RGMA: variants seen among roughly 807,000 people sequenced by gnomAD.
The protein encoded by RGMA is repulsive guidance molecule A.
Under a neutral mutation model 23.2 loss-of-function variants are expected in RGMA, and 10 were observed. That is an observed-to-expected ratio of 0.43 (90% confidence interval 0.27 to 0.73). RGMA has a LOEUF of 0.73. RGMA is among the 30% of genes least tolerant of loss of function. The pLI, the probability that RGMA is intolerant of heterozygous loss-of-function variation, is 0.20. For synonymous variants in RGMA, 308 were observed against 279.3 expected (o/e 1.10, Z -1.03); for missense variants, 547 against 630.5 (o/e 0.87, Z 1.42).
chr15:93,064,573 G>A (rs902869686), intron 2 of RGMA, among the ~76,000 whole-genome samples: 7 of 152,250 alleles, frequency 4.6e-5, no homozygotes, highest in Non-Finnish European at 1.0e-4. Flanking sequence ...CTGCGCACAC[G>A]CGTGTGTGGG....
At chr15:93,060,023 G>A (rs1428739724) in intron 2 of RGMA, among the ~76,000 whole-genome samples, 1 of 152,162 alleles carries the variant, frequency 6.6e-6, no homozygotes, top group African/African-American at 2.4e-5. Context: ...GCCCCACAGG[G>A]TGTGAGCTGA....
chr15:93,044,856 G>C lies in RGMA; in HGVS notation c.*142C>G. The C allele has an allele frequency of 1.5e-6, 1 of 681,828 alleles. No individual in the cohort carries two copies. Among genetic ancestry groups the C allele is most frequent in the Non-Finnish European group, 2.5e-6 (1 of 403,642 alleles). The allele number at this position is 681,828 out of a possible 1,614,324, so 42.2% of individuals were successfully genotyped here. ...ACTAGAAGGGGAGGGGTCCGTGCCT[G>C]AGCCCTTGGCAGCAGGCGGTCCCTG... On this transcript the variant is annotated 3_prime_UTR_variant, in exon 4 of 4. Transcript: ENST00000329082.
chr15:93,065,506 G>A (rs1403669871), intron 2 of RGMA: 2 of 562,602 alleles, frequency 3.6e-6, no homozygotes, highest in South Asian at 1.7e-5. Context: ...CGGGGAACAG[G>A]GTACTGGGTA....
At chr15:93,066,098 T>TA (rs1220106138) in intron 2 of RGMA, 1 of 1,472,464 alleles carries the variant, frequency 6.8e-7, no homozygotes, top group Non-Finnish European at 9.5e-7. Context: ...CGGCGAAACT[T>TA]ACGTAGGTTG....
chr15:93,059,837 G>C (rs1240821962), intron 2 of RGMA, among the ~76,000 whole-genome samples: 1 of 152,192 alleles, frequency 6.6e-6, no homozygotes, highest in East Asian at 1.9e-4. Flanking sequence ...TTTATGTGCT[G>C]TATCTTTATA....
chr15:93,052,280 G>A lies in RGMA; in HGVS notation c.358C>T (p.Pro120Ser). 1 of 1,602,494 alleles carries A rather than the reference G, an allele frequency of 6.2e-7. No homozygotes were observed. Among genetic ancestry groups the A allele is most frequent in the South Asian group, 1.1e-5 (1 of 90,922 alleles). The change falls in exon 3 of 4, where the codon CCC becomes TCC. Residue 120 changes from proline (P) to serine (S), a missense_variant. This residue lies in a region of RGMA where 214 missense variants were observed against 234.7 expected (regional missense o/e 0.91). Coordinates refer to ENST00000329082, the MANE Select transcript of RGMA (RefSeq NM_020211.3). ...MSQHNCSKDG[P>S]TSQPRLRTLP... ...GTGCGCAGGCGTGGCTGCGAGGTGG[G>A]GCCATCCTTGGAGCAGTTGTGCTGG...
intron 3 of RGMA, among the ~76,000 whole-genome samples, chr15:93,049,418 C>T (rs973084639): frequency 2.0e-5 from 3 of 152,218 alleles, no homozygotes; most frequent in Non-Finnish European, 4.4e-5. Context: ...CTGTCCTCTC[C>T]TGAGTCTCAG....
In RGMA at chr15:93,041,517, C is replaced by T. The variant is rs567128350; in HGVS notation, c.*3481G>A. ...ATGGCACTTGGGAAAGAATTCCAGC[C>T]GGTTACATTTAGGGTCCTGGAAAAA... On this transcript the variant is annotated 3_prime_UTR_variant, in exon 4 of 4. Transcript: ENST00000329082. The T allele has an allele frequency of 2.0e-5, 3 of 152,244 alleles. No individual in the cohort carries two copies. The highest frequency in any genetic ancestry group is 2.1e-4 in the South Asian group (1 of 4,826). 9.4% of individuals were successfully genotyped at this position (152,244 alleles called of 1,614,324 possible).
chr15:93,088,781 C>A, intron 1 of RGMA, 138 bp downstream of exon 1: 2 of 882,540 alleles, frequency 2.3e-6, no homozygotes, highest in Non-Finnish European at 3.4e-6. Flanking sequence ...CGCAGCAAAG[C>A]TCCAAATGTG....
At chr15:93,062,287 A>G (rs1394678733) in intron 2 of RGMA, among the ~76,000 whole-genome samples, 1 of 152,248 alleles carries the variant, frequency 6.6e-6, no homozygotes, top group African/African-American at 2.4e-5. Flanking sequence ...CTCTGCGCTC[A>G]GGTATGGTCA....
chr15:93,073,911 G>A (rs1243332739), intron 1 of RGMA: 2 of 1,440,832 alleles, frequency 1.4e-6, no homozygotes, highest in South Asian at 2.9e-5. Context: ...ATGCCGGTCC[G>A]CGTGGCGCGC....
In RGMA at chr15:93,036,912, A is replaced by G. The variant is rs2141773755; in HGVS notation, c.*8086T>C. On this transcript the variant is annotated 3_prime_UTR_variant, in exon 4 of 4. Coordinates refer to ENST00000329082, the MANE Select transcript of RGMA (RefSeq NM_020211.3). ...CTTTCTAGGGTTTTTGTGAAATTTG[A>G]CAAAGCAATGCAGGACTCGTTTCTA... is the stretch of plus-strand genomic sequence containing the variant. 1 of 152,324 alleles carries G rather than the reference A, an allele frequency of 6.6e-6. No individual in the cohort carries two copies. Among genetic ancestry groups the G allele is most frequent in the Non-Finnish European group, 1.5e-5 (1 of 68,046 alleles). The allele number at this position is 152,324 out of a possible 1,614,324, so 9.4% of individuals were successfully genotyped here.
chr15:93,059,329 C>A (rs947863315), intron 2 of RGMA, among the ~76,000 whole-genome samples: 1 of 152,150 alleles, frequency 6.6e-6, no homozygotes, highest in Admixed American at 6.5e-5. Context: ...AAGGTCTGTG[C>A]GGAGCCCACC....
At chr15:93,047,079 C>A (rs1240142876) in intron 3 of RGMA, among the ~76,000 whole-genome samples, 1 of 152,212 alleles carries the variant, frequency 6.6e-6, no homozygotes, top group African/African-American at 2.4e-5. Context: ...GGTCACACAG[C>A]CAGCAAGAGG....
intron 2 of RGMA, chr15:93,065,659 G>A: frequency 9.7e-7 from 1 of 1,035,260 alleles, no homozygotes; most frequent in Non-Finnish European, 1.5e-6. Flanking sequence ...GCTGCCGGGG[G>A]CCGGGGCCTG....
At chr15:93,071,141 A>C (rs948806026) in intron 2 of RGMA, among the ~76,000 whole-genome samples, 1 of 152,238 alleles carries the variant, frequency 6.6e-6, no homozygotes, top group African/African-American at 2.4e-5. Context: ...CACGGCAGCC[A>C]AGGGACAAAA....
intron 2 of RGMA, among the ~76,000 whole-genome samples, chr15:93,056,617 G>A (rs1009947080): frequency 2.0e-5 from 3 of 152,168 alleles, no homozygotes; most frequent in Non-Finnish European, 4.4e-5. Context: ...GTAGGCTTCA[G>A]GACCCTGGTG....
At chr15:93,068,839 G>A (rs1489503774) in intron 2 of RGMA, among the ~76,000 whole-genome samples, 1 of 152,176 alleles carries the variant, frequency 6.6e-6, no homozygotes, top group Non-Finnish European at 1.5e-5. Context: ...TCTTATAAAA[G>A]GGACCCCACA....
At chr15:93,086,816 T>C (rs1407410508) in intron 1 of RGMA, among the ~76,000 whole-genome samples, 1 of 152,224 alleles carries the variant, frequency 6.6e-6, no homozygotes, top group African/African-American at 2.4e-5. Flanking sequence ...GTGCCTTTAT[T>C]GTCTATTATT....
Sources: allele counts gnomAD v4.1 joint callset (sites outside exome capture counted in the v4.1 genomes callset), GRCh38; gene constraint gnomAD v4.1.1; regional missense constraint gnomAD v4.1.1; transcripts MANE v1.5; gene names NCBI Gene and HGNC (gene_info 2026-07-23, HGNC 2026-07-21).